The following PVT1 variants were observed in gnomAD, a reference collection of about 807,000 sequenced individuals.
The protein encoded by PVT1 is Pvt1 oncogene, also known as CXCR4/PVT1 fusion.
intron 2 of PVT1, among the ~76,000 whole-genome samples, chr8:127,877,141 T>C (rs1314262929): frequency 6.6e-6 from 1 of 152,156 alleles, no homozygotes; most frequent in African/African-American, 2.4e-5. Flanking sequence ...CCCCAGCGCC[T>C]GAGACAGCGG....
chr8:127,964,039 C>T (rs1816676471), intron 3 of PVT1, among the ~76,000 whole-genome samples: 2 of 152,160 alleles, frequency 1.3e-5, no homozygotes, highest in Admixed American at 1.3e-4. Flanking sequence ...AGGGAGATCC[C>T]CACAGGGACT....
At chr8:127,964,850 G>GA (rs1816686758) in intron 3 of PVT1, among the ~76,000 whole-genome samples, 1 of 146,974 alleles carries the variant, frequency 6.8e-6, no homozygotes, top group Admixed American at 6.9e-5. Flanking sequence ...TTTTAAGAAT[G>GA]GGGTTTTACC....
intron 4 of PVT1, among the ~76,000 whole-genome samples, chr8:127,991,374 G>A (rs1419190924): frequency 2.6e-5 from 4 of 151,906 alleles, no homozygotes; most frequent in Non-Finnish European, 5.9e-5. Flanking sequence ...TTGATCTCCT[G>A]ACCTTGTGAT....
At chr8:128,018,561 G>A (rs1446845641) in intron 4 of PVT1, among the ~76,000 whole-genome samples, 2 of 152,234 alleles carry the variant, frequency 1.3e-5, no homozygotes, top group South Asian at 2.1e-4. Context: ...GTACCGAAAC[G>A]TTCCAGATGG....
At chr8:127,809,132 C>G (rs62512764) in intron 2 of PVT1, among the ~76,000 whole-genome samples, 8 of 151,680 alleles carry the variant, frequency 5.3e-5, no homozygotes, top group African/African-American at 1.9e-4. Context: ...TAGAGACCTT[C>G]CAAACTGTGC....
intron 3 of PVT1, among the ~76,000 whole-genome samples, chr8:127,939,213 G>C (rs1006752909): frequency 6.6e-6 from 1 of 152,138 alleles, no homozygotes; most frequent in African/African-American, 2.4e-5. Flanking sequence ...TATTTTAAGG[G>C]CTCCATGTAC....
intron 4 of PVT1, among the ~76,000 whole-genome samples, chr8:128,015,199 C>T (rs573337192): frequency 7.9e-5 from 12 of 152,118 alleles, no homozygotes; most frequent in African/African-American, 2.9e-4. Context: ...AAGCGATTCT[C>T]GTGCCTCAGC....
intron 3 of PVT1, among the ~76,000 whole-genome samples, chr8:127,988,514 C>T (rs1313584295): frequency 6.6e-6 from 1 of 152,256 alleles, no homozygotes; most frequent in Non-Finnish European, 1.5e-5. Context: ...ATTCTCCACA[C>T]TGTCCCACCC....
At chr8:128,053,992 T>G (rs1395344087) in intron 4 of PVT1, among the ~76,000 whole-genome samples, 1 of 152,230 alleles carries the variant, frequency 6.6e-6, no homozygotes, top group African/African-American at 2.4e-5. Context: ...ACAGCTGCCT[T>G]TAGTGGGGAC....
intron 2 of PVT1, among the ~76,000 whole-genome samples, chr8:127,834,282 C>G (rs140432831): frequency 0.036 from 5,540 of 152,186 alleles, 365 homozygotes; most frequent in African/African-American, 0.13. Flanking sequence ...CTACAACCAT[C>G]TGAACTTTGA....
intron 5 of PVT1, among the ~76,000 whole-genome samples, chr8:128,090,677 C>T (rs1369507161): frequency 6.6e-6 from 1 of 152,124 alleles, no homozygotes; most frequent in Admixed American, 6.5e-5. Context: ...TATGAAGGAA[C>T]TACTGGCAGA....
intron 2 of PVT1, among the ~76,000 whole-genome samples, chr8:127,803,723 GT>G (rs11395238): frequency 2.3e-4 from 33 of 141,888 alleles, no homozygotes; most frequent in Non-Finnish European, 3.2e-4. Flanking sequence ...TGTCTCTACA[GT>G]TTTTTTTTTT....
At chr8:127,848,580 G>A (rs941068612) in intron 2 of PVT1, among the ~76,000 whole-genome samples, 1 of 152,168 alleles carries the variant, frequency 6.6e-6, no homozygotes, top group Non-Finnish European at 1.5e-5. Flanking sequence ...CTACTTGGGA[G>A]GCTGAGGCAG....
intron 4 of PVT1, among the ~76,000 whole-genome samples, chr8:128,015,103 T>A (rs1348522939): frequency 6.6e-6 from 1 of 151,822 alleles, no homozygotes; most frequent in Admixed American, 6.6e-5. Flanking sequence ...TATTTATTTA[T>A]TTTTGAGACA....
At chr8:128,091,021 A>G (rs191069489) in intron 5 of PVT1, among the ~76,000 whole-genome samples, 1 of 152,112 alleles carries the variant, frequency 6.6e-6, no homozygotes, top group African/African-American at 2.4e-5. Context: ...TAATTTTTTC[A>G]CCTTTCCCAC....
chr8:127,810,069 G>A (rs1490231444), intron 2 of PVT1, among the ~76,000 whole-genome samples: 1 of 152,206 alleles, frequency 6.6e-6, no homozygotes, highest in Admixed American at 6.5e-5. Flanking sequence ...ACCTGGGACA[G>A]ATGCCCCCCA....
At chr8:127,968,304 G>C (rs1816725010) in intron 3 of PVT1, among the ~76,000 whole-genome samples, 1 of 152,128 alleles carries the variant, frequency 6.6e-6, no homozygotes, top group Non-Finnish European at 1.5e-5. Flanking sequence ...TTGCAGGTCT[G>C]GGGATGTCTG....
chr8:128,071,586 G>A (rs1305629225), intron 5 of PVT1, among the ~76,000 whole-genome samples: 3 of 151,866 alleles, frequency 2.0e-5, no homozygotes, highest in African/African-American at 7.3e-5. Flanking sequence ...TTAGGAGGCT[G>A]AGGTGGGAGG....
chr8:127,896,777 C>A (rs990618320), intron 3 of PVT1, among the ~76,000 whole-genome samples: 2 of 130,028 alleles, frequency 1.5e-5, no homozygotes, highest in African/African-American at 3.3e-5. Context: ...CCTTTCCTCC[C>A]CCCCCCCGCC....
Sources: allele counts gnomAD v4.1 joint callset (sites outside exome capture counted in the v4.1 genomes callset), GRCh38; gene constraint gnomAD v4.1.1; transcripts MANE v1.5; gene names NCBI Gene and HGNC (gene_info 2026-07-23, HGNC 2026-07-21).